BID: variants seen among roughly 807,000 people sequenced by gnomAD.
BID encodes the protein BH3 interacting domain death agonist, also known as BH3-interacting domain death agonist.
Under a neutral mutation model 17.4 loss-of-function variants are expected in BID, and 19 were observed. The ratio of observed to expected loss-of-function variants is 1.09; its 90% confidence interval spans 0.76 to 1.60. The LOEUF (loss-of-function observed/expected upper bound fraction) is 1.60, where lower values mean the gene tolerates loss of function less well. BID is among the 40% of genes most tolerant of loss of function. BID has a pLI of 0.00. For synonymous variants in BID, 108 were observed against 102.8 expected (o/e 1.05, Z -0.31); for missense variants, 226 against 256.0 (o/e 0.88, Z 0.80).
Position 17,750,175 on chromosome 22 carries a change from C to A in BID, c.-58-1G>T, listed in dbSNP as rs1199829016. The A allele has an allele frequency of 1.2e-6, 2 of 1,612,248 alleles. No individual in the cohort carries two copies. Among genetic ancestry groups the A allele is most frequent in the Non-Finnish European group, 1.7e-6 (2 of 1,179,514 alleles). ...TGGTTCACAGTGTCCCAGTGGCGAC[C>A]TGGAAAGGGACACACAGAGTGGGCG... On this transcript the variant is annotated splice_acceptor_variant, in intron 1 of 5. Transcript: ENST00000622694. LOFTEE classifies it low-confidence loss of function (5UTR_SPLICE).
intron 4 of BID, 118 bp from the exon 5 acceptor site, chr22:17,738,347 C>G (rs569163642): frequency 1.1e-6 from 1 of 949,806 alleles, no homozygotes; most frequent in South Asian, 1.6e-5. Flanking sequence ...GGCTGCTGGG[C>G]GGAAAGAATG....
intron 4 of BID, 24 bp from the exon 5 acceptor site, chr22:17,738,253 C>T: frequency 6.3e-7 from 1 of 1,599,692 alleles, no homozygotes; most frequent in Non-Finnish European, 8.5e-7. Context: ...CACACAGAAC[C>T]TGGTTTACTA....
At chr22:17,739,262 C>G (rs977516676) in intron 4 of BID, 87 bp downstream of exon 4, 22 of 1,441,296 alleles carry the variant, frequency 1.5e-5, no homozygotes, top group Non-Finnish European at 9.2e-7. Context: ...AGTGGCCTCA[C>G]GGGACAGTGG....
intron 2 of BID, among the ~76,000 whole-genome samples, chr22:17,745,389 G>C (rs1462021712): frequency 6.6e-6 from 1 of 152,100 alleles, no homozygotes; most frequent in South Asian, 2.1e-4. Flanking sequence ...TTAATGCTTT[G>C]CTAGGTGATG....
chr22:17,735,526 A>G lies in BID; in HGVS notation c.*54T>C, dbSNP rs372534120. On this transcript the variant is annotated 3_prime_UTR_variant, in exon 6 of 6. Coordinates refer to ENST00000622694, the MANE Select transcript of BID (RefSeq NM_001196.4). The stretch of plus-strand genomic sequence containing the variant: ...GGCTCCGTCTACACTGGAAGCAGCT[A>G]TACAGCTGTGACCACATCGAGCTTT... The G allele has an allele frequency of 4.5e-5, 73 of 1,611,006 alleles. No homozygotes were observed. In the East Asian group the frequency reaches 1.0e-3, roughly 22 times the overall value.
intron 2 of BID, among the ~76,000 whole-genome samples, chr22:17,744,400 T>C (rs778820661): frequency 3.3e-5 from 5 of 152,226 alleles, no homozygotes; most frequent in Non-Finnish European, 7.4e-5. Context: ...TTTCTTCAAG[T>C]TCCCCTGCAG....
intron 1 of BID, among the ~76,000 whole-genome samples, chr22:17,766,282 CTTT>C (rs71201884): frequency 1.6e-4 from 21 of 135,124 alleles, no homozygotes; most frequent in African/African-American, 4.6e-4. Flanking sequence ...TTCTTTCTTT[CTTT>C]TTTTTTTTTT....
At chr22:17,752,964 CTTTT>C (rs34597946) in intron 1 of BID, among the ~76,000 whole-genome samples, 1 of 85,182 alleles carries the variant, frequency 1.2e-5, no homozygotes. Flanking sequence ...CGCGCCCAGT[CTTTT>C]TTTTTTTTTT....
chr22:17,745,922 C>T (rs1038444714), intron 2 of BID, among the ~76,000 whole-genome samples: 15 of 151,976 alleles, frequency 9.9e-5, no homozygotes, highest in African/African-American at 3.1e-4. Flanking sequence ...GCCGAGATCG[C>T]GCCATTGCAC....
intron 1 of BID, among the ~76,000 whole-genome samples, chr22:17,765,520 C>G (rs1327777149): frequency 6.6e-6 from 1 of 152,188 alleles, no homozygotes; most frequent in African/African-American, 2.4e-5. Context: ...GTACAGTACA[C>G]TTTCAGAATA....
chr22:17,749,413 C>A (rs766838179), intron 2 of BID, among the ~76,000 whole-genome samples: 2 of 152,208 alleles, frequency 1.3e-5, no homozygotes, highest in Non-Finnish European at 2.9e-5. Context: ...CTCCTGGCTT[C>A]AAGCAATCCT....
rs2061413614 is a variant in BID, at chr22:17,735,604, A to G, written c.577-13T>C. On this transcript the variant is annotated splice_polypyrimidine_tract_variant and intron_variant, in intron 5 of 5. Coordinates refer to ENST00000622694, the MANE Select transcript of BID (RefSeq NM_001196.4). ...TTCAGTCCATCCCCTAGAGCAAGAA[A>G]GGAGAAAAAGCCAGAATCAGCTAGG... 2 of 1,613,548 alleles carry G rather than the reference A, an allele frequency of 1.2e-6. No homozygotes were observed. The highest frequency in any genetic ancestry group is 1.7e-6 in the Non-Finnish European group (2 of 1,179,932).
At chr22:17,759,257 A>G (rs958304050) in intron 1 of BID, among the ~76,000 whole-genome samples, 5 of 150,022 alleles carry the variant, frequency 3.3e-5, no homozygotes, top group African/African-American at 1.2e-4. Flanking sequence ...AAAAAAAAAA[A>G]AACAAAAGAA....
At chr22:17,754,399 G>A (rs1211586152) in intron 1 of BID, among the ~76,000 whole-genome samples, 15 of 152,378 alleles carry the variant, frequency 9.8e-5, no homozygotes, top group South Asian at 8.3e-4. Context: ...TCGGAGACAC[G>A]ACTGAGGCTC....
chr22:17,756,816 C>T (rs1280129685), intron 1 of BID, among the ~76,000 whole-genome samples: 3 of 151,898 alleles, frequency 2.0e-5, no homozygotes, highest in East Asian at 1.9e-4. Context: ...CCTTGCGATC[C>T]GCCCCCCTCA....
chr22:17,772,857 C>T (rs2061731217), intron 1 of BID, among the ~76,000 whole-genome samples: 1 of 152,126 alleles, frequency 6.6e-6, no homozygotes, highest in African/African-American at 2.4e-5. Flanking sequence ...CCCCATACCA[C>T]CCTGGGGCCA....
chr22:17,767,477 A>G (rs958207995), intron 1 of BID, among the ~76,000 whole-genome samples: 1 of 152,208 alleles, frequency 6.6e-6, no homozygotes, highest in Non-Finnish European at 1.5e-5. Flanking sequence ...AGAAACTGGA[A>G]AAGTCCCTGG....
intron 1 of BID, among the ~76,000 whole-genome samples, chr22:17,768,801 A>C (rs1252465213): frequency 6.8e-6 from 1 of 147,328 alleles, no homozygotes; most frequent in Admixed American, 6.8e-5. Context: ...GAAACTCGGG[A>C]GGCAGAGCTT....
intron 1 of BID, among the ~76,000 whole-genome samples, chr22:17,762,409 T>C (rs577339891): frequency 3.9e-5 from 6 of 152,114 alleles, no homozygotes; most frequent in Admixed American, 2.6e-4. Flanking sequence ...GGCAGAAGAA[T>C]TGCTTGAACC....
Sources: allele counts gnomAD v4.1 joint callset (sites outside exome capture counted in the v4.1 genomes callset), GRCh38; gene constraint gnomAD v4.1.1; transcripts MANE v1.5; gene names NCBI Gene and HGNC (gene_info 2026-07-23, HGNC 2026-07-21).